TMEFF2: variants seen among roughly 807,000 people sequenced by gnomAD.
TMEFF2 encodes transmembrane protein with EGF like and two follistatin like domains 2.
TMEFF2 carries 28 observed loss-of-function variants against 53.8 expected under a neutral mutation model. That is an observed-to-expected ratio of 0.52 (90% CI 0.39 to 0.71). The LOEUF is 0.71. TMEFF2 is among the 30% of genes least tolerant of loss of function. TMEFF2 has a pLI of 0.00. For synonymous variants in TMEFF2, 162 were observed against 166.3 expected (o/e 0.97, Z 0.20); for missense variants, 353 against 455.2 (o/e 0.78, Z 2.04).
At chr2:192,132,054 A>G (rs1388016847) in intron 4 of TMEFF2, among the ~76,000 whole-genome samples, 56 of 151,038 alleles carry the variant, frequency 3.7e-4, no homozygotes, top group African/African-American at 1.0e-3. Context: ...CCCAAGCGTC[A>G]CTGAGTCTTT....
rs1338423652 is a variant in TMEFF2, at chr2:192,057,684, A to G, written c.531T>C (p.Asp177=). 1.2e-6 allele frequency: 2 copies of G among 1,613,576 alleles called. No homozygotes were observed. The highest frequency in any genetic ancestry group is 1.7e-6 in the Non-Finnish European group (2 of 1,179,600). The part of the protein sequence containing the change: ...FGAECDEDAE[D]VWCVCNIDCS... ...GAATAAAAACAGCATATTACCAGAC[A>G]TCCTCGGCATCTTCGTCACATTCTG... Residue 177 remains aspartate (D), a synonymous_variant, in exon 5 of 10, where the codon GAT becomes GAC. Transcript: ENST00000272771.
chr2:191,977,500 G>A (rs993323911), intron 7 of TMEFF2, among the ~76,000 whole-genome samples: 3 of 152,168 alleles, frequency 2.0e-5, no homozygotes, highest in Non-Finnish European at 4.4e-5. Flanking sequence ...ACAGAAGCCA[G>A]GGAGAAGATT....
intron 4 of TMEFF2, among the ~76,000 whole-genome samples, chr2:192,134,671 A>C (rs1689953283): frequency 6.6e-6 from 1 of 152,182 alleles, no homozygotes; most frequent in Middle Eastern, 3.2e-3. Flanking sequence ...ACATGCCCTG[A>C]GTCACAAAAA....
At chr2:192,135,624 G>T (rs925750734) in intron 4 of TMEFF2, among the ~76,000 whole-genome samples, 1 of 151,498 alleles carries the variant, frequency 6.6e-6, no homozygotes, top group Non-Finnish European at 1.5e-5. Context: ...AATTTTCGCC[G>T]CCCCAACACT....
intron 4 of TMEFF2, among the ~76,000 whole-genome samples, chr2:192,157,291 C>G (rs147531884): frequency 1.3e-5 from 2 of 152,140 alleles, no homozygotes; most frequent in African/African-American, 4.8e-5. Flanking sequence ...GATTTTGTCT[C>G]TTAGTAACCT....
At chr2:192,182,640 G>C (rs780767995) in intron 3 of TMEFF2, among the ~76,000 whole-genome samples, 4 of 151,852 alleles carry the variant, frequency 2.6e-5, no homozygotes, top group Non-Finnish European at 4.4e-5. Flanking sequence ...TGCTACATTG[G>C]CCATAACCGT....
At chr2:192,107,903 A>AGG (rs1451499846) in intron 4 of TMEFF2, among the ~76,000 whole-genome samples, 13 of 151,714 alleles carry the variant, frequency 8.6e-5, no homozygotes, top group Non-Finnish European at 1.5e-4. Flanking sequence ...GCCTTACAAA[A>AGG]CTATCTCTCT....
rs1056759686 is a variant in TMEFF2 at position 191,951,097 on chromosome 2, T to C, written c.1029-690A>G. ...TATAATAATCTGTGAAGTATCAGAA[T>C]ATATAAAAATATATGAATATACATA... is the stretch of plus-strand genomic sequence containing the variant. On this transcript the variant is annotated intron_variant, in intron 9 of 9. Coordinates refer to ENST00000272771, the MANE Select transcript of TMEFF2 (RefSeq NM_016192.4). 2.6e-5 allele frequency among the ~76,000 whole-genome samples: 4 copies of C among 152,224 alleles called. No individual in the cohort carries two copies. The South Asian group carries it at 6.2e-4, about 24-fold the overall frequency.
At chr2:192,042,164 G>A (rs971575078) in intron 5 of TMEFF2, among the ~76,000 whole-genome samples, 8 of 151,354 alleles carry the variant, frequency 5.3e-5, no homozygotes, top group African/African-American at 1.9e-4. Context: ...TCACACCACT[G>A]AACTCCAGCC....
At chr2:191,997,448 A>C in intron 7 of TMEFF2, among the ~76,000 whole-genome samples, 1 of 151,556 alleles carries the variant, frequency 6.6e-6, no homozygotes, top group East Asian at 1.9e-4. Flanking sequence ...ACAAGAAACA[A>C]CTCTTTTTGA....
At chr2:191,987,138 A>G (rs1314024465) in intron 7 of TMEFF2, among the ~76,000 whole-genome samples, 2 of 152,132 alleles carry the variant, frequency 1.3e-5, no homozygotes, top group Non-Finnish European at 2.9e-5. Context: ...GTATAGCCGT[A>G]TATCTGGCCT....
intron 7 of TMEFF2, chr2:191,992,695 G>T (rs1686135388): frequency 1.3e-5 from 2 of 151,938 alleles, no homozygotes; most frequent in Admixed American, 1.3e-4. Context: ...ATTAATGCAG[G>T]ATTACTCAGT....
chr2:192,134,115 C>T (rs1689935233), intron 4 of TMEFF2, among the ~76,000 whole-genome samples: 1 of 152,156 alleles, frequency 6.6e-6, no homozygotes, highest in South Asian at 2.1e-4. Flanking sequence ...ACAAACTATG[C>T]TCAACTCACT....
At chr2:191,963,501 A>G (rs1360468435) in intron 7 of TMEFF2, among the ~76,000 whole-genome samples, 1 of 152,218 alleles carries the variant, frequency 6.6e-6, no homozygotes, top group Non-Finnish European at 1.5e-5. Flanking sequence ...AGAAATGGAT[A>G]GTCAAGACAA....
In TMEFF2 at chr2:191,998,854, T is replaced by C. The variant is rs528301282; in HGVS notation, c.685+206A>G. ...TGGCATTGTGACAATACAGTTCCAT[T>C]GTATAGAGACAGATCTGGACGGTTG... On this transcript the variant is annotated intron_variant, in intron 6 of 9. Transcript: ENST00000272771. Among the ~76,000 whole-genome samples the C allele has an allele frequency of 3.1e-4, 47 of 152,072 alleles. 1 individual carries two copies. The highest frequency in any genetic ancestry group is 1.1e-3 in the African/African-American group (46 of 41,532).
intron 8 of TMEFF2, among the ~76,000 whole-genome samples, chr2:191,956,033 T>C (rs981416370): frequency 4.6e-5 from 7 of 152,102 alleles, no homozygotes; most frequent in African/African-American, 1.7e-4. Context: ...TTCAGTAATG[T>C]GTTATATAGT....
chr2:192,153,019 T>C lies in TMEFF2; in HGVS notation c.439+26649A>G, dbSNP rs538162965. Among the ~76,000 whole-genome samples the C allele has an allele frequency of 2.6e-5, 4 of 151,838 alleles. No homozygotes were observed. The South Asian group carries it at 8.3e-4, about 32-fold the overall frequency. ...TAATTTGGTGTATAATTTAAACTGATTGGAAATGTTAAATTTAAGAAAATT... is the reference window on the plus strand; with the variant it reads ...TAATTTGGTGTATAATTTAAACTGACTGGAAATGTTAAATTTAAGAAAATT... On this transcript the variant is annotated intron_variant, in intron 4 of 9. Transcript: ENST00000272771.
intron 4 of TMEFF2, among the ~76,000 whole-genome samples, chr2:192,061,551 A>G (rs1688044531): frequency 6.6e-6 from 1 of 152,110 alleles, no homozygotes; most frequent in African/African-American, 2.4e-5. Flanking sequence ...AGATTTTGGT[A>G]TACTGTGGGG....
chr2:191,966,795 T>C (rs1220820509), intron 7 of TMEFF2, among the ~76,000 whole-genome samples: 1 of 152,188 alleles, frequency 6.6e-6, no homozygotes, highest in African/African-American at 2.4e-5. Context: ...ACACCACAAT[T>C]AGCAGCACAG....
Sources: gnomAD v4.1 joint callset for allele counts (sites outside exome capture counted in the v4.1 genomes callset) on GRCh38, gnomAD v4.1.1 for gene constraint, MANE v1.5 for transcripts, NCBI Gene and HGNC (gene_info 2026-07-23, HGNC 2026-07-21) for gene names.